Variants in RIMS2 observed in about 807,000 individuals in gnomAD.
The protein encoded by RIMS2 is regulating synaptic membrane exocytosis protein 2.
Under a neutral mutation model 174.4 loss-of-function variants are expected in RIMS2, and 59 were observed. That is an observed-to-expected ratio of 0.34 (90% CI 0.27 to 0.42). RIMS2 has a LOEUF of 0.42. Among genes scored for constraint, RIMS2 ranks in the 10% least tolerant of loss-of-function variants. RIMS2 has a pLI of 1.00. For missense variants in RIMS2, 1,620 were observed against 1,666.3 expected (o/e 0.97, Z 0.48); for synonymous variants, 606 against 572.5 (o/e 1.06, Z -0.84).
intron 8 of RIMS2, 39 bp from the exon 12 acceptor site, chr8:103,918,402 A>T (rs1252414543): frequency 7.4e-7 from 1 of 1,358,242 alleles, no homozygotes; most frequent in East Asian, 2.3e-5. Flanking sequence ...TAATTGTTGA[A>T]ACAGTTTCTG....
intron 12 of RIMS2, among the ~76,000 whole-genome samples, chr8:103,933,327 ACACACAC>A: frequency 7.7e-6 from 1 of 129,916 alleles, no homozygotes; most frequent in South Asian, 2.2e-4. Flanking sequence ...ACACACACAC[ACACACAC>A]AATTAGCCAG....
intron 19 of RIMS2, among the ~76,000 whole-genome samples, chr8:104,213,377 A>C (rs1228465121): frequency 2.6e-5 from 4 of 152,160 alleles, no homozygotes; most frequent in Non-Finnish European, 4.4e-5. Context: ...CCTCACTGTC[A>C]TTACACTTTG....
intron 1 of RIMS2, among the ~76,000 whole-genome samples, chr8:103,571,232 A>G (rs958366009): frequency 2.0e-5 from 3 of 152,184 alleles, no homozygotes; most frequent in African/African-American, 7.2e-5. Context: ...AATGTCACTT[A>G]TGATCTCAAA....
chr8:103,966,000 A>T (rs2091715752), intron 15 of RIMS2, among the ~76,000 whole-genome samples: 1 of 152,104 alleles, frequency 6.6e-6, no homozygotes, highest in African/African-American at 2.4e-5. Context: ...AATCCCACTT[A>T]TTGTGTATAA....
intron 1 of RIMS2, among the ~76,000 whole-genome samples, chr8:103,562,920 C>T (rs573064504): frequency 6.6e-6 from 1 of 152,292 alleles, no homozygotes; most frequent in Non-Finnish European, 1.5e-5. Flanking sequence ...GGGGCTTCCA[C>T]CCTCTGAAGC....
intron 1 of RIMS2, among the ~76,000 whole-genome samples, chr8:103,634,331 G>A (rs529859276): frequency 2.6e-5 from 4 of 152,084 alleles, no homozygotes; most frequent in South Asian, 2.1e-4. Context: ...GTATTGTTTC[G>A]AGCGACTTTC....
chr8:103,725,802 C>T (rs2097521719), intron 2 of RIMS2, among the ~76,000 whole-genome samples: 1 of 152,156 alleles, frequency 6.6e-6, no homozygotes, highest in African/African-American at 2.4e-5. Flanking sequence ...AGGTCATATA[C>T]AATTTTATAT....
Position 104,188,272 on chromosome 8 carries a change from TGG to T in RIMS2, c.3335-56643_3335-56642del, listed in dbSNP as rs1563637839. On this transcript the variant is annotated intron_variant, in intron 19 of 23. Transcript: ENST00000504942. ...ATAGATAGATAGATAGATAGATAGATGGATGAAGTATAAAATCATCTAGATAT... is the reference window on the plus strand; with the variant it reads ...ATAGATAGATAGATAGATAGATAGATATGAAGTATAAAATCATCTAGATAT... Among the ~76,000 whole-genome samples, 208 of 107,652 alleles carry T rather than the reference TGG, an allele frequency of 1.9e-3. 1 individual carries two copies. Among genetic ancestry groups the T allele is most frequent in the African/African-American group, 7.6e-3 (195 of 25,676 alleles). 70.6% of individuals were successfully genotyped at this position (107,652 alleles called of 152,430 possible). A position where few individuals can be genotyped will look rare whatever the true frequency, so the allele number is the denominator to read the frequency against.
exon 4 of RIMS2, chr8:103,885,910 G>C (rs768026358): frequency 1.9e-6 from 3 of 1,612,960 alleles, no homozygotes; most frequent in Non-Finnish European, 2.5e-6. Context: ...CTACCCCCAG[G>C]AGGAGTCCAC....
At chr8:104,147,013 G>A (rs1027988347) in intron 19 of RIMS2, among the ~76,000 whole-genome samples, 3 of 152,010 alleles carry the variant, frequency 2.0e-5, no homozygotes, top group African/African-American at 7.3e-5. Context: ...CTATATAACA[G>A]AAACACTAGG....
chr8:104,105,805 G>A (rs542044814), intron 19 of RIMS2, among the ~76,000 whole-genome samples: 1 of 151,950 alleles, frequency 6.6e-6, no homozygotes, highest in Non-Finnish European at 1.5e-5. Flanking sequence ...TTGGGAGGCC[G>A]AGGTGGGCAG....
chr8:103,511,487 T>A (rs1826413600), intron 1 of RIMS2, among the ~76,000 whole-genome samples: 1 of 152,230 alleles, frequency 6.6e-6, no homozygotes, highest in Non-Finnish European at 1.5e-5. Flanking sequence ...ATACTCTACA[T>A]AAGTGTGCCT....
At chr8:103,995,854 G>T (rs111988296) in intron 17 of RIMS2, among the ~76,000 whole-genome samples, 1 of 151,968 alleles carries the variant, frequency 6.6e-6, no homozygotes, top group Non-Finnish European at 1.5e-5. Context: ...TTAAGGTGGT[G>T]GCAGGAGAAA....
chr8:103,962,003 A>T (rs1457839189), intron 15 of RIMS2, among the ~76,000 whole-genome samples: 1 of 152,220 alleles, frequency 6.6e-6, no homozygotes, highest in Admixed American at 6.5e-5. Context: ...GCTAAAACTC[A>T]TAAAGTAGTT....
chr8:103,697,008 G>A, intron 1 of RIMS2, 78 bp from the exon 4 acceptor site: 3 of 805,404 alleles, frequency 3.7e-6, no homozygotes, highest in Non-Finnish European at 6.3e-6. Flanking sequence ...TTATAAAACT[G>A]TGTCTATAAA....
At chr8:103,755,421 C>G (rs147812119) in intron 2 of RIMS2, among the ~76,000 whole-genome samples, 4,517 of 152,226 alleles carry the variant, frequency 0.03, 99 homozygotes, top group Non-Finnish European at 0.048. Context: ...GGTTGCTCTT[C>G]TCGAGCAGTA....
At chr8:104,200,378 T>C (rs1274663820) in intron 19 of RIMS2, among the ~76,000 whole-genome samples, 1 of 152,128 alleles carries the variant, frequency 6.6e-6, no homozygotes, top group Non-Finnish European at 1.5e-5. Context: ...TAGAAACTTA[T>C]TTTAAAATAT....
At chr8:104,064,297 A>G (rs1319395548) in intron 19 of RIMS2, among the ~76,000 whole-genome samples, 1 of 152,218 alleles carries the variant, frequency 6.6e-6, no homozygotes, top group Non-Finnish European at 1.5e-5. Flanking sequence ...AATCAAGAGC[A>G]ACAAAATATT....
At chr8:104,200,645 C>G (rs140344836) in intron 19 of RIMS2, among the ~76,000 whole-genome samples, 6 of 152,314 alleles carry the variant, frequency 3.9e-5, no homozygotes, top group African/African-American at 1.4e-4. Flanking sequence ...GTGGCGCTCA[C>G]GCTGTAATCC....
Sources: allele counts gnomAD v4.1 joint callset (sites outside exome capture counted in the v4.1 genomes callset), GRCh38; gene constraint gnomAD v4.1.1; transcripts MANE v1.5; gene names NCBI Gene and HGNC (gene_info 2026-07-23, HGNC 2026-07-21).